Variants in PTPRD observed in about 807,000 individuals in gnomAD.
PTPRD encodes the protein protein tyrosine phosphatase receptor type D.
PTPRD carries 34 observed loss-of-function variants against 214.5 expected under a neutral mutation model. That is an observed-to-expected ratio of 0.16 (90% CI 0.12 to 0.21). The LOEUF is 0.21. Among genes scored for constraint, PTPRD ranks in the 10% least tolerant of loss-of-function variants. The pLI, the probability that PTPRD is intolerant of heterozygous loss-of-function variation, is 1.00. For missense variants in PTPRD, 2,545 were observed against 2,398.7 expected, an observed-to-expected ratio of 1.06 and a Z score of -1.27; for synonymous variants, 1,128 against 845.7, an observed-to-expected ratio of 1.33 and a Z score of -5.79.
At chr9:10,432,452 G>T (rs964939014) in intron 2 of PTPRD, among the ~76,000 whole-genome samples, 8 of 151,526 alleles carry the variant, frequency 5.3e-5, no homozygotes, top group Admixed American at 3.9e-4. Context: ...AAAAAGAAAG[G>T]TTTCTTTCCA....
intron 2 of PTPRD, among the ~76,000 whole-genome samples, chr9:10,593,532 T>C (rs902739257): frequency 6.6e-6 from 1 of 152,012 alleles, no homozygotes; most frequent in African/African-American, 2.4e-5. Flanking sequence ...ATACAACATA[T>C]AGAAGAGATT....
intron 11 of PTPRD, among the ~76,000 whole-genome samples, chr9:8,892,565 G>GTGTGTATATATATGTGTGTATATATA (rs1566865066): frequency 1.4e-5 from 2 of 147,576 alleles, no homozygotes; most frequent in African/African-American, 2.5e-5. Flanking sequence ...GTGTATATAT[G>GTGTGTATATATATGTGTGTATATATA]TGTGTATATA....
chr9:8,931,448 C>T (rs967004435), intron 11 of PTPRD, among the ~76,000 whole-genome samples: 2 of 152,052 alleles, frequency 1.3e-5, no homozygotes, highest in African/African-American at 4.8e-5. Flanking sequence ...AATGCGGGCT[C>T]TTTTTTGGTT....
intron 3 of PTPRD, among the ~76,000 whole-genome samples, chr9:10,278,129 C>A (rs558834861): frequency 6.7e-6 from 1 of 148,726 alleles, no homozygotes; most frequent in Non-Finnish European, 1.5e-5. Flanking sequence ...GCACTCCAGC[C>A]TGGGCGACAG....
intron 3 of PTPRD, among the ~76,000 whole-genome samples, chr9:10,186,374 T>C (rs1036975460): frequency 2.0e-5 from 3 of 152,116 alleles, no homozygotes; most frequent in African/African-American, 7.2e-5. Context: ...TTGGGACCAA[T>C]TTTCTCATTT....
At chr9:9,223,726 G>A (rs2099957627) in intron 9 of PTPRD, among the ~76,000 whole-genome samples, 1 of 151,918 alleles carries the variant, frequency 6.6e-6, no homozygotes, top group Non-Finnish European at 1.5e-5. Context: ...ATCAGGCAAA[G>A]TGCATTGACA....
intron 8 of PTPRD, among the ~76,000 whole-genome samples, chr9:9,480,032 G>A (rs2095335212): frequency 2.0e-5 from 3 of 152,064 alleles, no homozygotes; most frequent in Non-Finnish European, 4.4e-5. Context: ...AAGTTTGATG[G>A]CAAAATATCT....
At chr9:9,621,693 G>A (rs992853651) in intron 7 of PTPRD, among the ~76,000 whole-genome samples, 4 of 152,078 alleles carry the variant, frequency 2.6e-5, no homozygotes, top group Admixed American at 2.0e-4. Context: ...TGGTTTTAGG[G>A]GCATTCTATT....
At chr9:8,990,660 G>T (rs932833568) in intron 11 of PTPRD, among the ~76,000 whole-genome samples, 1 of 151,968 alleles carries the variant, frequency 6.6e-6, no homozygotes, top group Non-Finnish European at 1.5e-5. Context: ...TATTATTCTC[G>T]CCTTCCCCTG....
chr9:9,992,452 ATATACTCAGAGGATTATAAATCATGCTGC>A (rs2095974414), intron 4 of PTPRD, among the ~76,000 whole-genome samples: 1 of 152,176 alleles, frequency 6.6e-6, no homozygotes, highest in African/African-American at 2.4e-5. Context: ...ATTACTGGGC[ATATACTCAGAGGATTATAAATCATGCTGC>A]TATAAAGACA....
chr9:8,352,306 T>C (rs1257007582), intron 39 of PTPRD, among the ~76,000 whole-genome samples: 5 of 152,206 alleles, frequency 3.3e-5, no homozygotes, highest in East Asian at 1.9e-4. Context: ...TAGGCATGGA[T>C]AGAGCAGACT....
intron 2 of PTPRD, among the ~76,000 whole-genome samples, chr9:10,595,215 A>G (rs1383028811): frequency 6.6e-6 from 1 of 151,964 alleles, no homozygotes; most frequent in African/African-American, 2.4e-5. Context: ...TGTATTAATT[A>G]TCTAGGCAGC....
In PTPRD at chr9:10,485,027, G is replaced by C. The variant is rs573542514; in HGVS notation, c.-600+127371C>G. On this transcript the variant is annotated intron_variant, in intron 2 of 45. Coordinates refer to ENST00000381196, the MANE Select transcript of PTPRD (RefSeq NM_002839.4). ...TTAAGTGTTTAATCAATTTTTACTTGATTTTTTTTTTGCATATGAAAGGAG... is the reference window on the plus strand; with the variant it reads ...TTAAGTGTTTAATCAATTTTTACTTCATTTTTTTTTTGCATATGAAAGGAG... 4.2e-5 allele frequency among the ~76,000 whole-genome samples: 6 copies of C among 144,252 alleles called. No individual in the cohort carries two copies. The South Asian group carries it at 1.3e-3, about 31-fold the overall frequency. 94.6% of individuals were successfully genotyped at this position (144,252 alleles called of 152,430 possible).
At chr9:8,619,860 C>T (rs2095756011) in intron 14 of PTPRD, among the ~76,000 whole-genome samples, 2 of 151,932 alleles carry the variant, frequency 1.3e-5, no homozygotes, top group South Asian at 2.1e-4. Context: ...GTATCCTTTG[C>T]AAGATAGCAT....
chr9:9,424,223 T>C (rs901472628), intron 8 of PTPRD, among the ~76,000 whole-genome samples: 2 of 152,228 alleles, frequency 1.3e-5, no homozygotes, highest in African/African-American at 4.8e-5. Flanking sequence ...CTTCTCTCTC[T>C]GCCCATTCAG....
chr9:8,862,817 G>A (rs1330294864), intron 11 of PTPRD, among the ~76,000 whole-genome samples: 1 of 151,224 alleles, frequency 6.6e-6, no homozygotes, highest in South Asian at 2.1e-4. Context: ...ACTATCGCAA[G>A]AACAAAAAAG....
chr9:9,242,600 A>G (rs1183896348), intron 9 of PTPRD, among the ~76,000 whole-genome samples: 2 of 152,058 alleles, frequency 1.3e-5, no homozygotes, highest in African/African-American at 4.8e-5. Flanking sequence ...TTGATCTTCC[A>G]TCACTGATAC....
At chr9:8,494,157 C>T (rs117470722) in intron 26 of PTPRD, among the ~76,000 whole-genome samples, 2,147 of 152,040 alleles carry the variant, frequency 0.014, 15 homozygotes, top group Middle Eastern at 0.041. Flanking sequence ...ATGTGAGTGA[C>T]GAGTACGAAT....
chr9:9,235,357 G>A (rs565443925), intron 9 of PTPRD, among the ~76,000 whole-genome samples: 3 of 152,240 alleles, frequency 2.0e-5, no homozygotes, highest in South Asian at 2.1e-4. Context: ...CATATCAGAG[G>A]CCAAGAAGAG....
Sources: gnomAD v4.1 joint callset for allele counts (sites outside exome capture counted in the v4.1 genomes callset) on GRCh38, gnomAD v4.1.1 for gene constraint, MANE v1.5 for transcripts, NCBI Gene and HGNC (gene_info 2026-07-23, HGNC 2026-07-21) for gene names.